NGF: variants seen among roughly 807,000 people sequenced by gnomAD.
The protein encoded by NGF is beta-nerve growth factor.
A neutral mutation model predicts 12.8 loss-of-function variants in NGF; 4 were observed. The ratio of observed to expected loss-of-function variants is 0.31; its 90% CI spans 0.15 to 0.72. NGF has a LOEUF of 0.72. NGF is among the 30% of genes least tolerant of loss of function. The pLI is 0.69. For missense variants in NGF, 283 were observed against 330.8 expected (o/e 0.86, Z 1.12); for synonymous variants, 140 against 130.0 (o/e 1.08, Z -0.52).
At chr1:115,301,487 G>C (rs1175147741) in intron 1 of NGF, among the ~76,000 whole-genome samples, 1 of 152,102 alleles carries the variant, frequency 6.6e-6, no homozygotes, top group Non-Finnish European at 1.5e-5. Context: ...AAGACATTTG[G>C]CCAGAATCAG....
At chr1:115,302,446 A>G (rs1188575159) in intron 1 of NGF, among the ~76,000 whole-genome samples, 1 of 152,160 alleles carries the variant, frequency 6.6e-6, no homozygotes, top group Non-Finnish European at 1.5e-5. Flanking sequence ...GCCGCTGGTT[A>G]TGTTGTGCAA....
intron 1 of NGF, among the ~76,000 whole-genome samples, chr1:115,333,844 T>C (rs1165396780): frequency 6.6e-6 from 1 of 151,696 alleles, no homozygotes; most frequent in Admixed American, 6.6e-5. Flanking sequence ...TCTCTTTCTT[T>C]TCTTTTCTTT....
intron 1 of NGF, among the ~76,000 whole-genome samples, chr1:115,334,639 G>C (rs1655061682): frequency 6.6e-6 from 1 of 152,098 alleles, no homozygotes; most frequent in South Asian, 2.1e-4. Flanking sequence ...CAACAATAGG[G>C]CCCTTATTGG....
chr1:115,285,977 G>T lies in NGF; in HGVS notation c.*93C>A. ...AACTGTATAAACTATAAATTACCATGCAGTCCTTATAATTTAAAATAATTT... is the reference window on the plus strand; with the variant it reads ...AACTGTATAAACTATAAATTACCATTCAGTCCTTATAATTTAAAATAATTT... On this transcript the variant is annotated 3_prime_UTR_variant, in exon 3 of 3. Coordinates refer to ENST00000369512, the MANE Select transcript of NGF (RefSeq NM_002506.3). The T allele has an allele frequency of 6.8e-7, 1 of 1,467,958 alleles. No individual in the cohort carries two copies. The highest frequency in any genetic ancestry group is 9.2e-7 in the Non-Finnish European group (1 of 1,088,664). The allele number at this position is 1,467,958 out of a possible 1,614,324, so 90.9% of individuals were successfully genotyped here. A position where few individuals can be genotyped will look rare whatever the true frequency, so the allele number is the denominator to read the frequency against.
intron 1 of NGF, among the ~76,000 whole-genome samples, chr1:115,333,102 G>C (rs1366193592): frequency 2.6e-5 from 4 of 152,060 alleles, no homozygotes; most frequent in African/African-American, 7.3e-5. Flanking sequence ...CCCTAACCTG[G>C]GCAAGGGCTG....
chr1:115,307,009 G>A (rs1159379452), intron 1 of NGF, among the ~76,000 whole-genome samples: 1 of 152,202 alleles, frequency 6.6e-6, no homozygotes, highest in African/African-American at 2.4e-5. Flanking sequence ...GCCATCCTGG[G>A]GCTAAGCCCA....
At chr1:115,337,267 GTTTTTTTTTTTTTTTTTTTTTTTT>G (rs67307707) in intron 1 of NGF, among the ~76,000 whole-genome samples, 2 of 81,030 alleles carry the variant, frequency 2.5e-5, no homozygotes, top group South Asian at 4.0e-4. Context: ...TTTTGTTTTT[GTTTTTTTTTTTTTTTTTTTTTTTT>G]TTTTTTTTTT....
At chr1:115,292,124 G>A (rs1653721287) in intron 2 of NGF, among the ~76,000 whole-genome samples, 1 of 152,148 alleles carries the variant, frequency 6.6e-6, no homozygotes, top group African/African-American at 2.4e-5. Flanking sequence ...AGTTGTAAAG[G>A]CTCGAATACT....
chr1:115,296,821 A>G (rs1653885538), intron 1 of NGF, among the ~76,000 whole-genome samples: 1 of 152,258 alleles, frequency 6.6e-6, no homozygotes, highest in Admixed American at 6.5e-5. Flanking sequence ...TCCAATTTAA[A>G]TATTACAAAT....
chr1:115,317,394 C>G (rs1182666492), intron 1 of NGF, among the ~76,000 whole-genome samples: 3 of 152,204 alleles, frequency 2.0e-5, no homozygotes, highest in African/African-American at 7.2e-5. Context: ...CTGTTGGACC[C>G]TCTCCAATTC....
chr1:115,321,661 G>A (rs1454931157), intron 1 of NGF, among the ~76,000 whole-genome samples: 1 of 151,232 alleles, frequency 6.6e-6, no homozygotes, highest in African/African-American at 2.4e-5. Flanking sequence ...GAGCATGCAG[G>A]AGGGGAGAAG....
At chr1:115,302,862 G>A (rs889615092) in intron 1 of NGF, among the ~76,000 whole-genome samples, 2 of 152,136 alleles carry the variant, frequency 1.3e-5, no homozygotes, top group Non-Finnish European at 2.9e-5. Context: ...TTTAAGCTCT[G>A]CCTAAACCAC....
intron 1 of NGF, among the ~76,000 whole-genome samples, chr1:115,311,067 G>C (rs1571085514): frequency 6.6e-6 from 1 of 152,180 alleles, no homozygotes; most frequent in Non-Finnish European, 1.5e-5. Context: ...TGAGAGGCTA[G>C]ATAACTTGTC....
At chr1:115,308,463 A>T (rs570714459) in intron 1 of NGF, among the ~76,000 whole-genome samples, 31 of 152,340 alleles carry the variant, frequency 2.0e-4, no homozygotes, top group African/African-American at 7.2e-4. Context: ...GAGTCTGAGA[A>T]GAGCTGCTCT....
At chr1:115,319,209 C>T (rs1306331647) in intron 1 of NGF, among the ~76,000 whole-genome samples, 2 of 152,202 alleles carry the variant, frequency 1.3e-5, no homozygotes, top group Non-Finnish European at 2.9e-5. Flanking sequence ...ATCCAGGATG[C>T]CTGGTTTCTT....
chr1:115,290,460 A>G lies in NGF; in HGVS notation c.-13+3167T>C, dbSNP rs528070816. ...ACCCAGGCTGAAGTGCAGTGGCTTGATCTCGGCTCACTGCAGCCTTTGCCT... is the reference window on the plus strand; with the variant it reads ...ACCCAGGCTGAAGTGCAGTGGCTTGGTCTCGGCTCACTGCAGCCTTTGCCT... On this transcript the variant is annotated intron_variant, in intron 2 of 2. Coordinates refer to ENST00000369512, the MANE Select transcript of NGF (RefSeq NM_002506.3). Among the ~76,000 whole-genome samples, 4 of 119,714 alleles carry G rather than the reference A, an allele frequency of 3.3e-5. No homozygotes were observed. In the East Asian group the frequency reaches 1.1e-3, roughly 32 times the overall value. 78.5% of individuals were successfully genotyped at this position (119,714 alleles called of 152,430 possible). A position where few individuals can be genotyped will look rare whatever the true frequency, so the allele number is the denominator to read the frequency against.
intron 1 of NGF, among the ~76,000 whole-genome samples, chr1:115,299,585 C>T (rs1653972079): frequency 6.6e-6 from 1 of 152,178 alleles, no homozygotes; most frequent in Non-Finnish European, 1.5e-5. Flanking sequence ...TCTAAACACA[C>T]AGCAGCCTTC....
chr1:115,301,225 A>C (rs1654025386), intron 1 of NGF, among the ~76,000 whole-genome samples: 2 of 152,176 alleles, frequency 1.3e-5, no homozygotes, highest in South Asian at 4.1e-4. Context: ...GACCCAGAAC[A>C]TTGTGAGTAA....
At chr1:115,290,440 G>C (rs1295249107) in intron 2 of NGF, among the ~76,000 whole-genome samples, 1 of 134,282 alleles carries the variant, frequency 7.4e-6, no homozygotes, top group African/African-American at 2.9e-5. Flanking sequence ...CTGTCACCCA[G>C]GCTGAAGTGC....
Sources: allele counts gnomAD v4.1 joint callset (sites outside exome capture counted in the v4.1 genomes callset), GRCh38; gene constraint gnomAD v4.1.1; transcripts MANE v1.5; gene names NCBI Gene and HGNC (gene_info 2026-07-23, HGNC 2026-07-21).